Variants in STT3A observed in about 807,000 individuals in gnomAD.
STT3A encodes the protein STT3 oligosaccharyltransferase complex catalytic subunit A.
A neutral mutation model predicts 89.2 loss-of-function variants in STT3A; 34 were observed. The ratio of observed to expected loss-of-function variants is 0.38; its 90% CI spans 0.29 to 0.51. STT3A has a LOEUF of 0.51. Among genes scored for constraint, STT3A ranks in the 20% least tolerant of loss-of-function variants. The probability of loss-of-function intolerance (pLI) is 0.89; values close to 1 mark genes in which losing one functional copy is unlikely to be tolerated. For synonymous variants in STT3A, 282 were observed against 310.3 expected (o/e 0.91, Z 0.96); for missense variants, 555 against 889.5 (o/e 0.62, Z 4.78).
At chr11:125,591,829 C>T (rs539749702), upstream of STT3A, 2 of 152,578 alleles carry the variant, frequency 1.3e-5, no homozygotes, top group East Asian at 1.9e-4. Flanking sequence ...TTCCCACTCT[C>T]TCTGGTGTAG....
intron 16 of STT3A, among the ~76,000 whole-genome samples, chr11:125,618,918 G>A (rs2135948655): frequency 6.6e-6 from 1 of 152,114 alleles, no homozygotes; most frequent in Non-Finnish European, 1.5e-5. Context: ...ACTTTTTGTA[G>A]AGATGAGGTC....
At chr11:125,606,886 C>G (rs1939856376) in intron 8 of STT3A, among the ~76,000 whole-genome samples, 1 of 152,200 alleles carries the variant, frequency 6.6e-6, no homozygotes, top group Admixed American at 6.5e-5. Context: ...ACAGGGTTAA[C>G]AGACAACTGT....
chr11:125,602,220 G>C (rs1939704388), intron 3 of STT3A, 83 bp from the exon 4 acceptor site: 1 of 1,482,722 alleles, frequency 6.7e-7, no homozygotes, highest in Non-Finnish European at 9.1e-7. Flanking sequence ...ATTTTTCATT[G>C]AGTAATGCTG....
At position 125,618,573 on chromosome 11, in the gene STT3A, A is replaced by G. The variant is rs1940247668; in HGVS notation, c.1963+12A>G. 1 of 1,606,726 alleles carries G rather than the reference A, an allele frequency of 6.2e-7. No homozygotes were observed. ...TTACACAGAAGCCAGTGAGTGACTCATAATAATATTAATAACAGTAGTAAT... is the reference window on the plus strand; with the variant it reads ...TTACACAGAAGCCAGTGAGTGACTCGTAATAATATTAATAACAGTAGTAAT... On this transcript the variant is annotated intron_variant, in intron 16 of 17. Transcript: ENST00000392708.
At chr11:125,597,222 T>C in intron 3 of STT3A, 103 bp downstream of exon 3, 1 of 1,177,900 alleles carries the variant, frequency 8.5e-7, no homozygotes. Context: ...AGAGATGTGC[T>C]TTCAGTACAT....
Position 125,613,954 on chromosome 11 carries a change from T to G in STT3A, c.1555-133T>G. 1.4e-6 allele frequency: 1 copy of G among 719,770 alleles called. No homozygotes were observed. The highest frequency in any genetic ancestry group is 2.4e-6 in the Non-Finnish European group (1 of 411,158). 44.6% of individuals were successfully genotyped at this position (719,770 alleles called of 1,614,324 possible). On this transcript the variant is annotated intron_variant, in intron 13 of 17. Coordinates refer to ENST00000392708, the MANE Select transcript of STT3A (RefSeq NM_152713.5). The surrounding 1 kb of genome is among the most constrained non-coding windows in gnomAD (Gnocchi z 4.2). ...CCAGGATTTATTTTCTGGTTTGACA[T>G]GCATTACTTTGTGAAGAAATTGATT...
chr11:125,602,894 T>A lies in STT3A; in HGVS notation c.363T>A (p.Pro121=). 1 of 1,614,148 alleles carries A rather than the reference T, an allele frequency of 6.2e-7. No homozygotes were observed. The highest frequency in any genetic ancestry group is 1.1e-5 in the South Asian group (1 of 91,086). ...GGAATGTCTGTGTGTTCCTGGCCCC[T>A]CTCTTCTCCTCCTTCACCACCATCG... ...DIRNVCVFLA[P]LFSSFTTIVT... is the part of the protein sequence containing the mutation. The change falls in exon 5 of 18, where the codon CCT becomes CCA. Residue 121 remains proline, a synonymous_variant. Transcript: ENST00000392708.
intron 6 of STT3A, among the ~76,000 whole-genome samples, chr11:125,605,177 T>C (rs576801229): frequency 6.4e-4 from 97 of 152,032 alleles, no homozygotes; most frequent in Admixed American, 2.6e-3. Context: ...GAAGGCTTTT[T>C]AGAAGTGGTT....
intron 1 of STT3A, chr11:125,593,655 T>A (rs1939388409): frequency 6.6e-6 from 1 of 152,262 alleles, no homozygotes; most frequent in Admixed American, 6.5e-5. Flanking sequence ...AGAAAACAGC[T>A]GCAAACCCTG....
intron 3 of STT3A, among the ~76,000 whole-genome samples, chr11:125,599,647 G>A (rs773622540): frequency 6.0e-5 from 9 of 150,680 alleles, no homozygotes; most frequent in East Asian, 1.9e-4. Flanking sequence ...GTGCTCAAGC[G>A]ATCCATCCAC....
At chr11:125,596,054 C>A in intron 2 of STT3A, 51 bp downstream of exon 2, 1 of 1,430,022 alleles carries the variant, frequency 7.0e-7, no homozygotes, top group Non-Finnish European at 9.6e-7. Context: ...AGAAGAAAGT[C>A]TAGAAAAAAA....
At chr11:125,615,515 A>G (rs1940154236) in intron 15 of STT3A, among the ~76,000 whole-genome samples, 1 of 152,182 alleles carries the variant, frequency 6.6e-6, no homozygotes, top group East Asian at 1.9e-4. Flanking sequence ...ACAACAATAA[A>G]AATCATACAA....
rs566358951 is a variant in STT3A, at chr11:125,615,924, A to G, written c.1774+1498A>G. 9.8e-5 allele frequency among the ~76,000 whole-genome samples: 15 copies of G among 152,294 alleles called. 1 individual carries two copies. Among genetic ancestry groups the G allele is most frequent in the African/African-American group, 3.1e-4 (13 of 41,568 alleles). ...TGTGGTGGCACATACTTGTAATCTCAGCTACTTGGGAGGCTGAGGCCAGAT... is the reference window on the plus strand; with the variant it reads ...TGTGGTGGCACATACTTGTAATCTCGGCTACTTGGGAGGCTGAGGCCAGAT... On this transcript the variant is annotated intron_variant, in intron 15 of 17. Transcript: ENST00000392708.
chr11:125,592,691 A>C (rs939592910), upstream of STT3A: 4 of 349,320 alleles, frequency 1.1e-5, no homozygotes, highest in Admixed American at 7.7e-5. Context: ...TAGACTGCTA[A>C]GTGATAGCTG....
chr11:125,597,515 C>T (rs1257162061), intron 3 of STT3A, among the ~76,000 whole-genome samples: 2 of 151,986 alleles, frequency 1.3e-5, no homozygotes, highest in Non-Finnish European at 2.9e-5. Flanking sequence ...CTGCCTATCA[C>T]TTAAGATCTG....
chr11:125,602,696 AT>A, intron 4 of STT3A, 106 bp from the exon 5 acceptor site: 1 of 1,435,262 alleles, frequency 7.0e-7, no homozygotes. Context: ...ATTTCTGGTG[AT>A]TTGTCAAGAC....
rs1382677944 is a variant in STT3A, at chr11:125,621,470, T to TATCA, written c.*663_*666dup. On this transcript the variant is annotated 3_prime_UTR_variant, in exon 18 of 18. Coordinates refer to ENST00000392708, the MANE Select transcript of STT3A (RefSeq NM_152713.5). ...AAGACAAACAGTGAAATTATTGGTTTATCAATGGAGAGGAAGAAACTCTTC... is the reference window on the plus strand; with the variant it reads ...AAGACAAACAGTGAAATTATTGGTTTATCAATCAATGGAGAGGAAGAAACTCTTC... 2.6e-5 allele frequency: 4 copies of TATCA among 152,216 alleles called. No homozygotes were observed. Among genetic ancestry groups the TATCA allele is most frequent in the Non-Finnish European group, 5.9e-5 (4 of 68,042 alleles). The allele number at this position is 152,216 out of a possible 1,614,324, so 9.4% of individuals were successfully genotyped here.
chr11:125,607,483 C>G (rs477961), intron 8 of STT3A, among the ~76,000 whole-genome samples: 11 of 152,002 alleles, frequency 7.2e-5, no homozygotes, highest in Non-Finnish European at 1.6e-4. Context: ...TGTCTATATC[C>G]GATAGGCTAC....
chr11:125,618,644 G>T (rs1940250076), intron 16 of STT3A, 83 bp downstream of exon 16: 1 of 1,349,068 alleles, frequency 7.4e-7, no homozygotes, highest in South Asian at 1.5e-5. Context: ...CCAAGCACTA[G>T]TAAGTGCTTT....
Sources: gnomAD v4.1 joint callset for allele counts (sites outside exome capture counted in the v4.1 genomes callset) on GRCh38, gnomAD v4.1.1 for gene constraint, Gnocchi (gnomAD v3.1) non-coding constraint, MANE v1.5 for transcripts, NCBI Gene and HGNC (gene_info 2026-07-23, HGNC 2026-07-21) for gene names.